The following DNAJC13 variants were observed in gnomAD, a reference collection of about 807,000 sequenced individuals.
DNAJC13 encodes DnaJ heat shock protein family (Hsp40) member C13, also known as dnaJ homolog subfamily C member 13.
A neutral mutation model predicts 290.5 loss-of-function variants in DNAJC13; 75 were observed. That is an observed-to-expected ratio of 0.26 (90% CI 0.21 to 0.31). The LOEUF (loss-of-function observed/expected upper bound fraction) is 0.31, where lower values mean the gene tolerates loss of function less well. Ranked by LOEUF, DNAJC13 falls within the 10% of genes least tolerant of loss-of-function variation. DNAJC13 has a pLI of 1.00. For synonymous variants in DNAJC13, 862 were observed against 892.0 expected (o/e 0.97, Z 0.60); for missense variants, 2,260 against 2,674.5 (o/e 0.85, Z 3.42).
At chr3:132,467,701 G>A (rs1224698836) in intron 20 of DNAJC13, among the ~76,000 whole-genome samples, 1 of 152,096 alleles carries the variant, frequency 6.6e-6, no homozygotes, top group Non-Finnish European at 1.5e-5. Flanking sequence ...TCCTGACCTC[G>A]TGATCCGCCT....
chr3:132,434,091 TC>T (rs1323812605), intron 1 of DNAJC13, among the ~76,000 whole-genome samples: 6 of 151,988 alleles, frequency 3.9e-5, no homozygotes, highest in Non-Finnish European at 8.8e-5. Flanking sequence ...GCGTCTGTAG[TC>T]CCAGCTACTC....
At chr3:132,419,872 A>T (rs1938903989) in intron 1 of DNAJC13, among the ~76,000 whole-genome samples, 1 of 152,202 alleles carries the variant, frequency 6.6e-6, no homozygotes, top group Non-Finnish European at 1.5e-5. Context: ...CTCCCTTTTT[A>T]TAAAAAATAA....
chr3:132,440,334 G>A (rs1171872132), intron 2 of DNAJC13, among the ~76,000 whole-genome samples: 3 of 152,220 alleles, frequency 2.0e-5, no homozygotes, highest in Admixed American at 2.0e-4. Flanking sequence ...GGAGTTTTGG[G>A]ATTCCCCACT....
chr3:132,471,260 C>T, intron 20 of DNAJC13, among the ~76,000 whole-genome samples: 1 of 141,326 alleles, frequency 7.1e-6, no homozygotes, highest in Admixed American at 6.9e-5. Context: ...CCCCCACCTC[C>T]CTCCCGGATG....
At chr3:132,514,403 T>C (rs1488186069) in intron 45 of DNAJC13, among the ~76,000 whole-genome samples, 168 bp from the exon 46 acceptor site, 1 of 152,154 alleles carries the variant, frequency 6.6e-6, no homozygotes, top group Non-Finnish European at 1.5e-5. Flanking sequence ...CAAGGTATTA[T>C]TTCCAAAGAG....
intron 36 of DNAJC13, among the ~76,000 whole-genome samples, chr3:132,496,936 T>C (rs1278700104): frequency 6.6e-6 from 1 of 152,228 alleles, no homozygotes; most frequent in African/African-American, 2.4e-5. Flanking sequence ...AGTTTTTGTG[T>C]TTAGCCATTT....
chr3:132,504,430 C>G (rs531614927), intron 41 of DNAJC13, among the ~76,000 whole-genome samples: 10 of 151,760 alleles, frequency 6.6e-5, no homozygotes, highest in African/African-American at 2.4e-4. Flanking sequence ...CAATGTGATA[C>G]ATTTTGCTGA....
chr3:132,420,960 T>G (rs576740363), intron 1 of DNAJC13, among the ~76,000 whole-genome samples: 8 of 152,342 alleles, frequency 5.3e-5, no homozygotes, highest in African/African-American at 1.7e-4. Flanking sequence ...TATACATTTT[T>G]TAAAAAGATA....
In DNAJC13 at chr3:132,473,197, T is replaced by C; in HGVS notation, c.2261T>C (p.Ile754Thr). The change falls in exon 21 of 56, where the codon ATA becomes ACA. Residue 754 changes from isoleucine to threonine, a missense_variant. By Grantham distance (89) the Ile-to-Thr change is moderately conservative. Transcript: ENST00000260818. ...CGAAAGAGAAGACAAAGAATAAAAA[T>C]AGAAGCAAATTGGGATCTCTTCTAT... ...VLRKRRQRIK[I>T]EANWDLFYYR... 4 of 1,610,320 alleles carry C rather than the reference T, an allele frequency of 2.5e-6. No homozygotes were observed. Among genetic ancestry groups the C allele is most frequent in the Non-Finnish European group, 3.4e-6 (4 of 1,178,392 alleles).
At chr3:132,463,651 G>A in intron 16 of DNAJC13, 45 bp from the exon 17 acceptor site, 1 of 1,570,194 alleles carries the variant, frequency 6.4e-7, no homozygotes, top group Non-Finnish European at 8.6e-7. Flanking sequence ...TGGATAGCTT[G>A]TCCTGGATTG....
At chr3:132,520,542 ATT>A (rs1283441850) in intron 48 of DNAJC13, among the ~76,000 whole-genome samples, 1 of 152,236 alleles carries the variant, frequency 6.6e-6, no homozygotes, top group Non-Finnish European at 1.5e-5. Context: ...TGGGTCATTC[ATT>A]AAATTGAATT....
chr3:132,442,298 C>CA (rs1357475496), intron 2 of DNAJC13, among the ~76,000 whole-genome samples: 1 of 151,690 alleles, frequency 6.6e-6, no homozygotes, highest in Admixed American at 6.6e-5. Flanking sequence ...CACCCGGCCA[C>CA]AAAAATTGTT....
chr3:132,527,733 T>C (rs1274716429), intron 53 of DNAJC13, among the ~76,000 whole-genome samples: 1 of 152,218 alleles, frequency 6.6e-6, no homozygotes, highest in Non-Finnish European at 1.5e-5. Flanking sequence ...AGATTATTAT[T>C]CAGCTTTTAT....
At chr3:132,514,364 G>A (rs766697537) in intron 45 of DNAJC13, among the ~76,000 whole-genome samples, 5 of 152,032 alleles carry the variant, frequency 3.3e-5, no homozygotes, top group Non-Finnish European at 5.9e-5. Flanking sequence ...GCATGTATGG[G>A]TATAGGATTG....
chr3:132,494,644 T>C (rs551234389), intron 34 of DNAJC13, among the ~76,000 whole-genome samples: 5 of 152,306 alleles, frequency 3.3e-5, no homozygotes, highest in African/African-American at 9.6e-5. Flanking sequence ...TATGAAAGAA[T>C]GCAGATTTAT....
chr3:132,462,561 T>A, intron 16 of DNAJC13, 38 bp downstream of exon 16: 1 of 1,473,544 alleles, frequency 6.8e-7, no homozygotes, highest in Non-Finnish European at 9.4e-7. Context: ...CTTACTTGAA[T>A]GTTGATAGGC....
chr3:132,503,292 A>G lies in DNAJC13; in HGVS notation c.4795A>G (p.Thr1599Ala). ...AGGGTATTTGGCTGAAGAACAAGCAACTCCAGAAAATCCAACCATAAGGAA... is the reference window on the plus strand; with the variant it reads ...AGGGTATTTGGCTGAAGAACAAGCAGCTCCAGAAAATCCAACCATAAGGAA... ...LGGYLAEEQA[T>A]PENPTIRKSL... The change falls in exon 41 of 56, where the codon ACT (threonine) becomes GCT (alanine). Residue 1599 changes from threonine to alanine, a missense_variant. Around this residue, in one of 3 missense-constraint regions of DNAJC13, gnomAD observed 1,494 missense variants for 1,693.7 expected, o/e 0.88. Coordinates refer to ENST00000260818, the MANE Select transcript of DNAJC13 (RefSeq NM_015268.4). The G allele has an allele frequency of 2.5e-6, 4 of 1,614,086 alleles. No homozygotes were observed. Among genetic ancestry groups the G allele is most frequent in the Non-Finnish European group, 3.4e-6 (4 of 1,179,998 alleles).
chr3:132,471,054 G>A (rs1296988298), intron 20 of DNAJC13, among the ~76,000 whole-genome samples: 24 of 137,392 alleles, frequency 1.7e-4, no homozygotes, highest in African/African-American at 2.7e-4. Flanking sequence ...GGGGCGGCTG[G>A]CCAGGCGGGG....
chr3:132,538,291 CG>C lies in DNAJC13; in HGVS notation c.*10del, dbSNP rs770604926. 8 of 1,609,624 alleles carry C rather than the reference CG, an allele frequency of 5.0e-6. No homozygotes were observed. The East Asian group carries it at 1.8e-4, about 36-fold the overall frequency. ...TTGGCTATCAGACTTGAAATATTCACGAGAGACAATAAACGCTGAAAGGCCA... is the reference window on the plus strand; with the variant it reads ...TTGGCTATCAGACTTGAAATATTCACAGAGACAATAAACGCTGAAAGGCCA... On this transcript the variant is annotated 3_prime_UTR_variant, in exon 56 of 56. Coordinates refer to ENST00000260818, the MANE Select transcript of DNAJC13 (RefSeq NM_015268.4).
Sources: gnomAD v4.1 joint callset for allele counts (sites outside exome capture counted in the v4.1 genomes callset) on GRCh38, gnomAD v4.1.1 for gene constraint, gnomAD v4.1.1 regional missense constraint, MANE v1.5 for transcripts, NCBI Gene and HGNC (gene_info 2026-07-23, HGNC 2026-07-21) for gene names.